The following CCDC141 variants were observed in gnomAD, a reference collection of about 807,000 sequenced individuals.
CCDC141 encodes coiled-coil domain-containing protein 141.
CCDC141 carries 168 observed loss-of-function variants against 181.0 expected under a neutral mutation model. The observed-to-expected ratio is 0.93, with a 90% CI of 0.82 to 1.05. The LOEUF (loss-of-function observed/expected upper bound fraction) is 1.05, where lower values mean the gene tolerates loss of function less well. CCDC141 is among the 50% of genes least tolerant of loss of function. CCDC141 has a pLI of 0.00. For missense variants in CCDC141, 1,902 were observed against 1,788.5 expected (o/e 1.06, Z -1.14); for synonymous variants, 666 against 642.3 (o/e 1.04, Z -0.56).
At chr2:178,989,279 A>G (rs1276817129) in intron 2 of CCDC141, among the ~76,000 whole-genome samples, 2 of 152,152 alleles carry the variant, frequency 1.3e-5, no homozygotes, top group Non-Finnish European at 2.9e-5. Flanking sequence ...TTCAGAATAT[A>G]CAAAGAGCTC....
At chr2:178,933,739 G>A (rs1689182522) in intron 6 of CCDC141, among the ~76,000 whole-genome samples, 1 of 152,134 alleles carries the variant, frequency 6.6e-6, no homozygotes, top group Non-Finnish European at 1.5e-5. Context: ...ATATTTCATT[G>A]CCCATCTGGT....
At chr2:179,047,026 GA>G (rs930533605) in intron 2 of CCDC141, among the ~76,000 whole-genome samples, 6 of 150,768 alleles carry the variant, frequency 4.0e-5, no homozygotes, top group South Asian at 4.2e-4. Context: ...AGGCAGCCAG[GA>G]AAAAAAAATT....
intron 4 of CCDC141, among the ~76,000 whole-genome samples, chr2:178,973,137 A>G (rs1213218445): frequency 1.3e-5 from 2 of 152,208 alleles, no homozygotes; most frequent in Non-Finnish European, 2.9e-5. Context: ...ACCCTTTAAT[A>G]TGCATTTCAA....
intron 2 of CCDC141, among the ~76,000 whole-genome samples, chr2:179,011,210 C>A (rs990278254): frequency 4.0e-5 from 6 of 151,648 alleles, no homozygotes; most frequent in African/African-American, 1.5e-4. Context: ...CATCAACCAA[C>A]TATCTGCTGC....
chr2:178,934,257 C>T (rs930522895), intron 6 of CCDC141, among the ~76,000 whole-genome samples: 9 of 152,054 alleles, frequency 5.9e-5, no homozygotes, highest in African/African-American at 1.7e-4. Context: ...TTCTATTATA[C>T]GAACATTATT....
At chr2:178,903,736 C>T (rs1184309389) in intron 8 of CCDC141, among the ~76,000 whole-genome samples, 2 of 150,592 alleles carry the variant, frequency 1.3e-5, no homozygotes, top group African/African-American at 2.5e-5. Context: ...TGCACATGTA[C>T]CCTAAAACTT....
chr2:178,837,810 T>G, intron 22 of CCDC141, 66 bp from the exon 23 acceptor site: 1 of 1,524,562 alleles, frequency 6.6e-7, no homozygotes, highest in Non-Finnish European at 8.8e-7. Flanking sequence ...TCAATTACAG[T>G]AAAACTCAAC....
chr2:178,908,600 T>G (rs543630743), intron 7 of CCDC141, among the ~76,000 whole-genome samples: 37 of 152,328 alleles, frequency 2.4e-4, no homozygotes, highest in Admixed American at 1.9e-3. Flanking sequence ...AATTAGTGCA[T>G]GTAGTAACAC....
At chr2:178,860,714 T>C (rs1167548477) in intron 17 of CCDC141, among the ~76,000 whole-genome samples, 1 of 151,748 alleles carries the variant, frequency 6.6e-6, no homozygotes, top group African/African-American at 2.4e-5. Context: ...TTGGCCTCCT[T>C]CCATTTGGCA....
chr2:178,863,327 T>C (rs550906374), intron 17 of CCDC141, among the ~76,000 whole-genome samples: 21 of 152,306 alleles, frequency 1.4e-4, no homozygotes, highest in Admixed American at 9.8e-4. Flanking sequence ...TTTAAGCACA[T>C]TGAAAGTGAA....
At chr2:179,044,392 C>T (rs1360344414) in intron 2 of CCDC141, among the ~76,000 whole-genome samples, 1 of 152,158 alleles carries the variant, frequency 6.6e-6, no homozygotes, top group Non-Finnish European at 1.5e-5. Context: ...ATCACTCTAC[C>T]CAACTTCAAA....
chr2:178,981,958 G>A (rs1375243746), intron 2 of CCDC141, among the ~76,000 whole-genome samples: 6 of 151,392 alleles, frequency 4.0e-5, no homozygotes, highest in Non-Finnish European at 7.4e-5. Flanking sequence ...AATGAAAAAG[G>A]GTCCATAACT....
At chr2:178,920,817 T>C (rs149529096) in intron 6 of CCDC141, among the ~76,000 whole-genome samples, 4 of 152,284 alleles carry the variant, frequency 2.6e-5, no homozygotes, top group African/African-American at 7.2e-5. Flanking sequence ...GAAACTGTTA[T>C]AGTTTTAGGT....
At position 178,877,986 on chromosome 2, in the gene CCDC141, T is replaced by A. The variant is rs768358288; in HGVS notation, c.1877A>T (p.Glu626Val). The A allele has an allele frequency of 6.2e-7, 1 of 1,613,750 alleles. No individual in the cohort carries two copies. The highest frequency in any genetic ancestry group is 1.1e-5 in the South Asian group (1 of 91,068). ...KSFITQDLGL[E>V]FLNLINMAKE... ...TACCATATTTATTAAATTAAGGAAC[T>A]CAAGCCCTAGATCTTGTGTTATAAA... Residue 626 changes from glutamate to valine, a missense_variant, in exon 12 of 24, where the codon GAG becomes GTG. Coordinates refer to ENST00000443758, the MANE Select transcript of CCDC141 (RefSeq NM_173648.4).
intron 2 of CCDC141, chr2:179,002,627 C>T: frequency 4.1e-6 from 1 of 244,286 alleles, no homozygotes; most frequent in South Asian, 5.2e-5. Context: ...TGCTATGTTG[C>T]TCTGCAGAAA....
intron 21 of CCDC141, among the ~76,000 whole-genome samples, chr2:178,847,446 G>A (rs913038060): frequency 6.6e-6 from 1 of 152,130 alleles, no homozygotes; most frequent in Admixed American, 6.5e-5. Flanking sequence ...TTGGAGGATT[G>A]CTTGAGCCTG....
chr2:179,041,516 T>G (rs1231944654), intron 2 of CCDC141, among the ~76,000 whole-genome samples: 4 of 97,264 alleles, frequency 4.1e-5, no homozygotes, highest in South Asian at 2.9e-4. Flanking sequence ...TTTTTTTTTT[T>G]GCCAAATAAC....
intron 10 of CCDC141, 147 bp downstream of exon 10, chr2:178,886,605 A>G: frequency 1.9e-6 from 1 of 531,864 alleles, no homozygotes; most frequent in South Asian, 3.1e-5. Flanking sequence ...GACACATAAG[A>G]ATATGAGTTT....
At chr2:179,001,270 T>C (rs2041965142) in intron 2 of CCDC141, among the ~76,000 whole-genome samples, 1 of 152,220 alleles carries the variant, frequency 6.6e-6, no homozygotes, top group African/African-American at 2.4e-5. Context: ...CACAGTATAT[T>C]TGTGAACTCT....
Sources: gnomAD v4.1 joint callset for allele counts (sites outside exome capture counted in the v4.1 genomes callset) on GRCh38, gnomAD v4.1.1 for gene constraint, MANE v1.5 for transcripts, NCBI Gene and HGNC (gene_info 2026-07-23, HGNC 2026-07-21) for gene names.